The following CCDC17 variants were observed in gnomAD, a reference collection of about 807,000 sequenced individuals.
CCDC17 encodes the protein coiled-coil domain-containing protein 17.
CCDC17 carries 79 observed loss-of-function variants against 68.0 expected under a neutral mutation model. The ratio of observed to expected loss-of-function variants is 1.16; its 90% CI spans 0.97 to 1.40. The LOEUF (loss-of-function observed/expected upper bound fraction) is 1.40. Ranked by LOEUF, CCDC17 falls within the 40% of genes most tolerant of loss-of-function variation. CCDC17 has a pLI of 0.00. For synonymous variants in CCDC17, 376 were observed against 337.5 expected (o/e 1.11, Z -1.25); for missense variants, 846 against 811.5 (o/e 1.04, Z -0.52).
chr1:45,620,456 T>C, intron 12 of CCDC17, 23 bp from the exon 13 acceptor site: 1 of 1,529,170 alleles, frequency 6.5e-7, no homozygotes, highest in Non-Finnish European at 8.8e-7. Flanking sequence ...AGAAGGCAGG[T>C]TTTGAGCAAA....
chr1:45,621,187 A>G, intron 10 of CCDC17, 74 bp from the exon 11 acceptor site: 1 of 1,565,654 alleles, frequency 6.4e-7, no homozygotes, highest in Non-Finnish European at 8.7e-7. Context: ...CTTTAGAGCC[A>G]GCGGCCTCTG....
chr1:45,623,936 G>T lies in CCDC17; in HGVS notation c.-27C>A. The T allele has an allele frequency of 6.9e-7, 1 of 1,443,210 alleles. No individual in the cohort carries two copies. The highest frequency in any genetic ancestry group is 1.4e-5 in the South Asian group (1 of 70,332). The allele number at this position is 1,443,210 out of a possible 1,614,324, so 89.4% of individuals were successfully genotyped here. ...GGATGGGACCCGTTTCCTGAAACCA[G>T]CCAAGACCTGCAGAAGGGATCAAGG... On this transcript the variant is annotated 5_prime_UTR_variant, in exon 1 of 13. The change creates a new upstream start codon in the 5' untranslated region. Coordinates refer to ENST00000528266, the MANE Select transcript of CCDC17 (RefSeq NM_001114938.3).
chr1:45,621,769 C>A (rs1557677336), intron 8 of CCDC17, 34 bp from the exon 9 acceptor site: 1 of 1,609,894 alleles, frequency 6.2e-7, no homozygotes. Flanking sequence ...TCCAGAAAGC[C>A]TTGTAGCTGC....
In CCDC17 at chr1:45,620,809, G is replaced by T; in HGVS notation, c.1624C>A (p.Arg542=). The change falls in exon 12 of 13, where the codon CGG becomes AGG. Residue 542 remains arginine (R), a synonymous_variant. Transcript: ENST00000528266. ...GCTGCATCTCTTGCATTCACCAGCC[G>T]CAGAAAGAGCTCAGCCTGACCTGCC... ...PQAGQAELFL[R]LVNARDAAVQ... is the part of the protein sequence containing the mutation. 4 of 1,610,996 alleles carry T rather than the reference G, an allele frequency of 2.5e-6. No homozygotes were observed. The South Asian group carries it at 3.3e-5, about 13-fold the overall frequency.
rs758158482 is a variant in CCDC17, at chr1:45,620,391, CG to C, written c.1752del (p.Ala585GlnfsTer36). 2.4e-5 allele frequency: 38 copies of C among 1,600,046 alleles called. No individual in the cohort carries two copies. In the South Asian group the frequency reaches 4.2e-4, roughly 18 times the overall value. ...GGTGGGGGATCAGCAAAGCCAACTG[CG>C]GGGGTGAGGAAGCTGGCTTCCAGTG... ...TSSLEASFLT[P>X]AVGFADPPPR... is the part of the protein sequence containing the mutation. On this transcript the variant is annotated frameshift_variant, in exon 13 of 13. Transcript: ENST00000528266. LOFTEE classifies it low-confidence loss of function (END_TRUNC).
intron 3 of CCDC17, 47 bp downstream of exon 3, chr1:45,623,170 G>C (rs766250175): frequency 1.3e-6 from 2 of 1,538,702 alleles, no homozygotes; most frequent in Non-Finnish European, 1.8e-6. Context: ...TAAGCCAAAC[G>C]GCGAGGGCAG....
rs761436119 is a variant in CCDC17, at chr1:45,622,241, C to T, written c.967G>A (p.Gly323Arg). Residue 323 changes from glycine (G) to arginine (R), a missense_variant and splice_region_variant, in exon 7 of 13, where the codon GGG becomes AGG. Coordinates refer to ENST00000528266, the MANE Select transcript of CCDC17 (RefSeq NM_001114938.3). ...GGATAGGGTTGGGGTGCTCACTGAC[C>T]CAAGGGTGCCCGACCCCTCTGCATT... is the stretch of plus-strand genomic sequence containing the variant. ...LQMQRGRAPL[G>R]PQDLRLLGDA... is the part of the protein sequence containing the mutation. 1.2e-6 allele frequency: 2 copies of T among 1,612,062 alleles called. No homozygotes were observed. The highest frequency in any genetic ancestry group is 1.1e-5 in the South Asian group (1 of 90,738).
At position 45,621,534 on chromosome 1, in the gene CCDC17, C is replaced by T. The variant is rs1245102421; in HGVS notation, c.1185-50G>A. The T allele has an allele frequency of 4.4e-6, 7 of 1,573,468 alleles. No individual in the cohort carries two copies. In the South Asian group the frequency reaches 8.1e-5, roughly 18 times the overall value. ...GAAATACCCAACTCCTTTCAACCTC[C>T]CTCCTCTCAGGCAGGTCCCTAACCC... On this transcript the variant is annotated intron_variant, in intron 9 of 12. Transcript: ENST00000528266.
chr1:45,622,951 T>TC lies in CCDC17; in HGVS notation c.656+3dup. On this transcript the variant is annotated splice_donor_region_variant and intron_variant, in intron 4 of 12. Transcript: ENST00000528266. ...TTCCGGGGATCCGCTTAGTCGGGTC[T>TC]CACCCTGGCTCCGCCTGCAGCTCCT... 1 of 1,596,122 alleles carries TC rather than the reference T, an allele frequency of 6.3e-7. No homozygotes were observed.
In CCDC17 at chr1:45,620,131, G is replaced by A; in HGVS notation, c.*144C>T. On this transcript the variant is annotated 3_prime_UTR_variant, in exon 13 of 13. Coordinates refer to ENST00000528266, the MANE Select transcript of CCDC17 (RefSeq NM_001114938.3). ...TAAGGACTTAACGGGAGGTGGTAAA[G>A]CTGTGGTTGGAACTGGTTTTCTGTA... 1 of 808,630 alleles carries A rather than the reference G, an allele frequency of 1.2e-6. No individual in the cohort carries two copies. Among genetic ancestry groups the A allele is most frequent in the Non-Finnish European group, 1.9e-6 (1 of 539,914 alleles). The allele number at this position is 808,630 out of a possible 1,614,324, so 50.1% of individuals were successfully genotyped here.
rs1356742638 is a variant in CCDC17, at chr1:45,623,266, G to C, written c.444C>G (p.Arg148=). 1.3e-6 allele frequency: 2 copies of C among 1,546,410 alleles called. No homozygotes were observed. The highest frequency in any genetic ancestry group is 1.2e-5 in the South Asian group (1 of 83,976). The change falls in exon 3 of 13, where the codon CGC becomes CGG. Residue 148 remains arginine (R), a synonymous_variant. Coordinates refer to ENST00000528266, the MANE Select transcript of CCDC17 (RefSeq NM_001114938.3). ...LRALFRTRAR[R]VAEMEAQSRA... ...GGCTCTGCGCTTCCATCTCCGCCAC[G>C]CGCCTCGCGCGAGTCCTGAACAGCG...
rs1382448990 is a variant in CCDC17, at chr1:45,623,045, T to C, written c.566A>G (p.Glu189Gly). The C allele has an allele frequency of 6.2e-7, 1 of 1,612,042 alleles. No homozygotes were observed. The highest frequency in any genetic ancestry group is 1.7e-5 in the Admixed American group (1 of 59,842). ...GMSRLFGLEQ[E>G]IRELQAEAGR... ...GGCCTCAGCTTGTAGTTCTCGAATC[T>C]CCTGCTCCAGGCCGAAGAGGCGGGA... The change falls in exon 4 of 13, where the codon GAG (glutamate) becomes GGG (glycine). Residue 189 changes from glutamate to glycine, a missense_variant. Physicochemically the swap from Glu to Gly is moderately conservative, Grantham distance 98. Coordinates refer to ENST00000528266, the MANE Select transcript of CCDC17 (RefSeq NM_001114938.3).
chr1:45,622,596 T>C lies in CCDC17; in HGVS notation c.812A>G (p.Gln271Arg). ...CAGCTCCAGTGCAGACGCCTCCACC[T>C]GCAACTGCCATATCTGGCCCAGCAC... The part of the protein sequence containing the change: ...PGVLGQIWQL[Q>R]VEASALELQR... The change falls in exon 6 of 13, where the codon CAG (glutamine) becomes CGG (arginine). Residue 271 changes from glutamine to arginine, a missense_variant. By Grantham distance (43) the Gln-to-Arg change is conservative. Coordinates refer to ENST00000528266, the MANE Select transcript of CCDC17 (RefSeq NM_001114938.3). The C allele has an allele frequency of 1.3e-6, 2 of 1,555,256 alleles. No homozygotes were observed. Among genetic ancestry groups the C allele is most frequent in the South Asian group, 1.2e-5 (1 of 84,354 alleles).
In CCDC17 at chr1:45,621,727, A is replaced by C. The variant is rs1306663540; in HGVS notation, c.1095T>G (p.Leu365=). 6.2e-7 allele frequency: 1 copy of C among 1,613,590 alleles called. No homozygotes were observed. Among genetic ancestry groups the C allele is most frequent in the African/African-American group, 1.3e-5 (1 of 74,898 alleles). The stretch of plus-strand genomic sequence containing the variant: ...CCAGGTTTCTGGTCATTGTTCCAGG[A>C]AGCTGTGGCTGTGGGGAAGAGAGCT... ...PPLPGFSEPQ[L]PGTMTRNLGL... is the part of the protein sequence containing the mutation. The change falls in exon 9 of 13, where the codon CTT becomes CTG. Residue 365 remains leucine, a synonymous_variant. Transcript: ENST00000528266.
At chr1:45,621,813 C>T in intron 8 of CCDC17, 64 bp downstream of exon 8, 5 of 1,597,118 alleles carry the variant, frequency 3.1e-6, no homozygotes, top group Non-Finnish European at 4.3e-6. Context: ...GCAGAGCTGC[C>T]TCCAACCTGT....
intron 6 of CCDC17, 97 bp from the exon 7 acceptor site, chr1:45,622,445 G>A: frequency 5.4e-6 from 8 of 1,469,328 alleles, no homozygotes; most frequent in Middle Eastern, 1.7e-4. Flanking sequence ...TTCGGATAAG[G>A]CTGGACTTGT....
Position 45,621,681 on chromosome 1 carries a change from G to A in CCDC17, c.1141C>T (p.Leu381=), listed in dbSNP as rs1557677039. 6.2e-7 allele frequency: 1 copy of A among 1,613,952 alleles called. No homozygotes were observed. The highest frequency in any genetic ancestry group is 1.1e-5 in the South Asian group (1 of 91,056). ...GGGCCCAGCATGTCCGATGTGGGCA[G>A]GAGGAAGTGTGAGTCCAGGCCCAGG... ...RNLGLDSHFL[L]PTSDMLGPAP... Residue 381 remains leucine (L), a synonymous_variant, in exon 9 of 13, where the codon CTG becomes TTG. Transcript: ENST00000528266.
chr1:45,620,251 G>C lies in CCDC17; in HGVS notation c.*24C>G. The C allele has an allele frequency of 6.2e-7, 1 of 1,602,266 alleles. No individual in the cohort carries two copies. The highest frequency in any genetic ancestry group is 1.8e-5 in the Admixed American group (1 of 56,634). ...GCCCCAGTCCTGTGCATGTTCAGAT[G>C]CTCATCTCCACATTCACTTGGGTTC... is the stretch of plus-strand genomic sequence containing the variant. On this transcript the variant is annotated 3_prime_UTR_variant, in exon 13 of 13. Transcript: ENST00000528266.
intron 9 of CCDC17, 21 bp downstream of exon 9, chr1:45,621,617 C>T (rs1362584242): frequency 1.9e-6 from 3 of 1,610,876 alleles, no homozygotes; most frequent in African/African-American, 1.3e-5. Flanking sequence ...CAGAGGCTGT[C>T]GAAGGTGGCA....
Sources: allele counts gnomAD v4.1 joint callset, GRCh38; gene constraint gnomAD v4.1.1; transcripts MANE v1.5; gene names NCBI Gene and HGNC (gene_info 2026-07-23, HGNC 2026-07-21).